MYCT1: variants seen among roughly 807,000 people sequenced by gnomAD.
The protein encoded by MYCT1 is myc target protein 1.
Under a neutral mutation model 15.0 loss-of-function variants are expected in MYCT1, and 12 were observed. The ratio of observed to expected loss-of-function variants is 0.80; its 90% CI spans 0.51 to 1.29. MYCT1 has a LOEUF of 1.29. MYCT1 is among the 50% of genes most tolerant of loss of function. The probability of loss-of-function intolerance (pLI) is 0.00; values close to 1 mark genes in which losing one functional copy is unlikely to be tolerated. For synonymous variants in MYCT1, 104 were observed against 102.7 expected, an observed-to-expected ratio of 1.01 and a Z score of -0.07; for missense variants, 287 against 279.1, an observed-to-expected ratio of 1.03 and a Z score of -0.20.
rs2099724734 is a variant in MYCT1 at position 152,721,744 on chromosome 6, G to T, written c.199G>T (p.Asp67Tyr). The change falls in exon 2 of 2, where the codon GAC becomes TAC. Residue 67 changes from aspartate to tyrosine, a missense_variant and splice_region_variant. By Grantham distance (160) the Asp-to-Tyr change is radical (BLOSUM62 -3). Transcript: ENST00000367245. Reference sequence around the variant, plus strand: ...GCAATTTGTTTTCTTTGTTTCAGAGGACCTTATCATGTCCTTCACTGTATC... The same window carrying T: ...GCAATTTGTTTTCTTTGTTTCAGAGTACCTTATCATGTCCTTCACTGTATC... The part of the protein sequence containing the change: ...GSPWPENFWE[D>Y]LIMSFTVSMA... 6 of 1,603,178 alleles carry T rather than the reference G, an allele frequency of 3.7e-6. No homozygotes were observed. The South Asian group carries it at 6.7e-5, about 18-fold the overall frequency.
chr6:152,703,014 G>C (rs750398255), intron 1 of MYCT1, among the ~76,000 whole-genome samples: 2 of 152,140 alleles, frequency 1.3e-5, no homozygotes, highest in Non-Finnish European at 2.9e-5. Context: ...CTAAATTCAT[G>C]AGAGAAAGTG....
intron 1 of MYCT1, among the ~76,000 whole-genome samples, chr6:152,719,275 G>A (rs2099724277): frequency 6.6e-6 from 1 of 152,188 alleles, no homozygotes; most frequent in Non-Finnish European, 1.5e-5. Flanking sequence ...ATAACAGGCT[G>A]CAAGATACTC....
rs1413579348 is a variant in MYCT1 at position 152,697,972 on chromosome 6, A to C, written c.70A>C (p.Ile24Leu). 1 of 1,608,074 alleles carries C rather than the reference A, an allele frequency of 6.2e-7. No homozygotes were observed. The highest frequency in any genetic ancestry group is 1.3e-5 in the African/African-American group (1 of 74,468). The stretch of plus-strand genomic sequence containing the variant: ...TCTTGCTGTACTACAAAGAGATAGA[A>C]TCAAACTGCTTTTTTTCGACATACT... Reference protein sequence around the residue: ...FSLAVLQRDRIKLLFFDILVF... With the variant: ...FSLAVLQRDRLKLLFFDILVF... Residue 24 changes from isoleucine (I) to leucine (L), a missense_variant, in exon 1 of 2, where the codon ATC (isoleucine) becomes CTC (leucine). Coordinates refer to ENST00000367245, the MANE Select transcript of MYCT1 (RefSeq NM_025107.3).
chr6:152,708,330 C>T (rs2099722656), intron 1 of MYCT1, among the ~76,000 whole-genome samples: 1 of 151,912 alleles, frequency 6.6e-6, no homozygotes, highest in South Asian at 2.1e-4. Context: ...ATTCTGCAGT[C>T]TTGCTTAATA....
intron 1 of MYCT1, among the ~76,000 whole-genome samples, chr6:152,713,821 A>T (rs866621194): frequency 6.6e-6 from 1 of 152,044 alleles, no homozygotes; most frequent in African/African-American, 2.4e-5. Flanking sequence ...GTTTCTCAAG[A>T]TCAGAAACAG....
chr6:152,738,509 T>C, the MYCT1 span, among the ~76,000 whole-genome samples: 4 of 152,136 alleles, frequency 2.6e-5, no homozygotes, highest in African/African-American at 7.2e-5. Context: ...TTAATGGAAT[T>C]CCTACCTTTC....
downstream of MYCT1, among the ~76,000 whole-genome samples, chr6:152,725,842 G>C (rs1406654096): frequency 6.6e-6 from 1 of 152,098 alleles, no homozygotes; most frequent in Non-Finnish European, 1.5e-5. Context: ...TAGCCATGTG[G>C]GACTGGATCA....
At chr6:152,733,698 G>T in the MYCT1 span, among the ~76,000 whole-genome samples, 1 of 152,138 alleles carries the variant, frequency 6.6e-6, no homozygotes, top group Non-Finnish European at 1.5e-5. Flanking sequence ...TTAGGCTGTT[G>T]GTTTCTGTAA....
At position 152,722,519 on chromosome 6, in the gene MYCT1, T is replaced by C; in HGVS notation, c.*266T>C. 2.8e-6 allele frequency: 1 copy of C among 359,400 alleles called. No individual in the cohort carries two copies. Among genetic ancestry groups the C allele is most frequent in the Non-Finnish European group, 5.0e-6 (1 of 199,636 alleles). The allele number at this position is 359,400 out of a possible 1,614,324, so 22.3% of individuals were successfully genotyped here. A position where few individuals can be genotyped will look rare whatever the true frequency, so the allele number is the denominator to read the frequency against. ...TCAATGTGAGGCTTATTAAAAATAGTGATTCTAATGTAAGAATCAGCTAAG... is the reference window on the plus strand; with the variant it reads ...TCAATGTGAGGCTTATTAAAAATAGCGATTCTAATGTAAGAATCAGCTAAG... On this transcript the variant is annotated 3_prime_UTR_variant, in exon 2 of 2. Coordinates refer to ENST00000367245, the MANE Select transcript of MYCT1 (RefSeq NM_025107.3).
the MYCT1 span, among the ~76,000 whole-genome samples, chr6:152,729,903 T>C: frequency 6.6e-6 from 1 of 151,930 alleles, no homozygotes; most frequent in African/African-American, 2.4e-5. Context: ...CCAGACAGAG[T>C]CAGGCAAATA....
intron 1 of MYCT1, among the ~76,000 whole-genome samples, chr6:152,714,932 A>G (rs560228658): frequency 6.3e-4 from 96 of 152,008 alleles, no homozygotes; most frequent in African/African-American, 2.1e-3. Flanking sequence ...CTATATTTTT[A>G]TCTTTGTGAG....
chr6:152,728,164 GAA>G (rs5881002), downstream of MYCT1, among the ~76,000 whole-genome samples: 110 of 143,420 alleles, frequency 7.7e-4, no homozygotes, highest in Non-Finnish European at 1.2e-3. Context: ...CCTCTGTCTG[GAA>G]AAAAAAAAAA....
intron 1 of MYCT1, among the ~76,000 whole-genome samples, chr6:152,708,224 G>T (rs918224927): frequency 2.0e-5 from 3 of 151,918 alleles, no homozygotes; most frequent in African/African-American, 4.8e-5. Flanking sequence ...AGATGCCTAG[G>T]TATGTTATGC....
intron 1 of MYCT1, among the ~76,000 whole-genome samples, chr6:152,717,348 A>G (rs1340040594): frequency 6.6e-6 from 1 of 152,142 alleles, no homozygotes; most frequent in Non-Finnish European, 1.5e-5. Context: ...TGTCAGCAGT[A>G]TTATTTGTAG....
chr6:152,732,777 G>A, the MYCT1 span, among the ~76,000 whole-genome samples: 1 of 152,216 alleles, frequency 6.6e-6, no homozygotes, highest in African/African-American at 2.4e-5. Flanking sequence ...AAATGGGACA[G>A]AAAGAGATTT....
downstream of MYCT1, among the ~76,000 whole-genome samples, chr6:152,725,129 A>G (rs556850464): frequency 6.6e-6 from 1 of 151,786 alleles, no homozygotes; most frequent in South Asian, 2.1e-4. Flanking sequence ...ATTTAAAAAA[A>G]TTTAAAATTC....
At chr6:152,713,519 ATGT>A (rs560999548) in intron 1 of MYCT1, among the ~76,000 whole-genome samples, 2 of 152,226 alleles carry the variant, frequency 1.3e-5, no homozygotes, top group Non-Finnish European at 2.9e-5. Context: ...GAGTGTTATG[ATGT>A]ATGTTTTCCC....
chr6:152,725,137 T>A (rs1292577215), downstream of MYCT1, among the ~76,000 whole-genome samples: 3 of 150,758 alleles, frequency 2.0e-5, no homozygotes, highest in African/African-American at 7.3e-5. Context: ...AAATTTAAAA[T>A]TCTGTTCATT....
chr6:152,737,254 T>C, the MYCT1 span, among the ~76,000 whole-genome samples: 2 of 151,980 alleles, frequency 1.3e-5, no homozygotes, highest in Non-Finnish European at 2.9e-5. Flanking sequence ...TTTTTTTTTT[T>C]CTGGCAATAA....
Sources: allele counts gnomAD v4.1 joint callset (sites outside exome capture counted in the v4.1 genomes callset), GRCh38; gene constraint gnomAD v4.1.1; transcripts MANE v1.5; gene names NCBI Gene and HGNC (gene_info 2026-07-23, HGNC 2026-07-21).